The following HLTF variants were observed in gnomAD, a reference collection of about 807,000 sequenced individuals.
HLTF encodes the protein DNA-dependent ATPase/E3 ubiquitin-protein ligase HLTF.
In HLTF, 127 loss-of-function variants were observed where a neutral mutation model predicts 129.4. That is an observed-to-expected ratio of 0.98 (90% CI 0.85 to 1.14). The LOEUF (loss-of-function observed/expected upper bound fraction) is 1.14. Ranked by LOEUF, HLTF falls within the 50% of genes most tolerant of loss-of-function variation. The pLI is 0.00. For missense variants in HLTF, 1,139 were observed against 1,187.1 expected (o/e 0.96, Z 0.60); for synonymous variants, 332 against 388.8 (o/e 0.85, Z 1.72).
intron 14 of HLTF, among the ~76,000 whole-genome samples, chr3:149,053,119 G>A (rs992848685): frequency 2.0e-5 from 3 of 152,184 alleles, no homozygotes; most frequent in African/African-American, 4.8e-5. Context: ...AGCCTGCTCT[G>A]TAGAATGCTA....
At chr3:149,068,076 T>C (rs1718550960) in intron 8 of HLTF, among the ~76,000 whole-genome samples, 164 bp downstream of exon 8, 1 of 152,056 alleles carries the variant, frequency 6.6e-6, no homozygotes. Context: ...GTAAAAAGAA[T>C]GTGACACGAA....
intron 14 of HLTF, 40 bp downstream of exon 14, chr3:149,055,263 T>C (rs753051679): frequency 1.4e-6 from 2 of 1,384,572 alleles, no homozygotes; most frequent in Admixed American, 1.7e-5. Flanking sequence ...GTAGATAAAA[T>C]ATAAATTATG....
In HLTF at chr3:149,068,237, T is replaced by C. The variant is rs1193734080; in HGVS notation, c.990+3A>G. The stretch of plus-strand genomic sequence containing the variant: ...ACATAAAGCGCACTTACTACTACTT[T>C]ACCTTCTTCAGTAGATTCTTTTTAA... On this transcript the variant is annotated splice_donor_region_variant and intron_variant, in intron 8 of 24. Coordinates refer to ENST00000310053, the MANE Select transcript of HLTF (RefSeq NM_003071.4). The C allele has an allele frequency of 7.2e-7, 1 of 1,387,462 alleles. No homozygotes were observed. Among genetic ancestry groups the C allele is most frequent in the Non-Finnish European group, 1.0e-6 (1 of 992,332 alleles). The allele number at this position is 1,387,462 out of a possible 1,614,324, so 85.9% of individuals were successfully genotyped here.
chr3:149,042,025 CCTAG>C (rs1412186498), intron 19 of HLTF, 137 bp downstream of exon 19: 1 of 709,014 alleles, frequency 1.4e-6, no homozygotes, highest in African/African-American at 1.8e-5. Flanking sequence ...TGGATGTATT[CCTAG>C]CTGAGTCTCA....
chr3:149,074,467 G>C (rs1296806817), intron 3 of HLTF, 119 bp from the exon 4 acceptor site: 1 of 874,754 alleles, frequency 1.1e-6, no homozygotes, highest in Non-Finnish European at 1.6e-6. Context: ...AAAGTAATAA[G>C]GAACTAGTTG....
chr3:149,071,165 T>C, intron 7 of HLTF, 87 bp downstream of exon 7: 1 of 801,888 alleles, frequency 1.2e-6, no homozygotes, highest in Non-Finnish European at 1.9e-6. Context: ...TACCAACATA[T>C]TCCTATCTCT....
rs537261644 is a variant in HLTF, at chr3:149,075,961, T to G, written c.315A>C (p.Gly105=). ...CTTTCTTTAAATGGCCAACTTGATT[T>G]CCATTCACATTGTTTACTTTAATTG... ...KNAIKVNNVN[G]NQVGHLKKEL... is the part of the protein sequence containing the mutation. The change falls in exon 3 of 25, where the codon GGA becomes GGC. Residue 105 remains glycine, a synonymous_variant. Coordinates refer to ENST00000310053, the MANE Select transcript of HLTF (RefSeq NM_003071.4). The G allele has an allele frequency of 2.1e-5, 33 of 1,585,236 alleles. No homozygotes were observed. The highest frequency in any genetic ancestry group is 5.0e-5 in the Admixed American group (3 of 59,818).
At chr3:149,039,287 AAGTT>A in intron 22 of HLTF, 58 bp from the exon 23 acceptor site, 1 of 1,196,642 alleles carries the variant, frequency 8.4e-7, no homozygotes, top group Non-Finnish European at 1.1e-6. Flanking sequence ...AAATAAAACA[AAGTT>A]AAGTAACTAC....
intron 16 of HLTF, among the ~76,000 whole-genome samples, chr3:149,048,435 T>A (rs1416834429): frequency 6.6e-6 from 1 of 152,218 alleles, no homozygotes; most frequent in Non-Finnish European, 1.5e-5. Flanking sequence ...ATCAAGTACA[T>A]CTGCTTATTT....
chr3:149,082,720 C>A (rs184363565), intron 2 of HLTF, among the ~76,000 whole-genome samples: 16 of 151,932 alleles, frequency 1.1e-4, no homozygotes, highest in Middle Eastern at 3.4e-3. Flanking sequence ...AAGATAGTAT[C>A]TCAATTTTTA....
At chr3:149,075,525 CAG>C (rs1346749385) in intron 3 of HLTF, among the ~76,000 whole-genome samples, 8 of 152,272 alleles carry the variant, frequency 5.3e-5, no homozygotes, top group African/African-American at 1.9e-4. Flanking sequence ...GCCTGGGCAA[CAG>C]AGTGAGACTT....
chr3:149,055,265 TA>T, intron 14 of HLTF, 37 bp downstream of exon 14: 2 of 1,389,234 alleles, frequency 1.4e-6, no homozygotes, highest in Non-Finnish European at 2.0e-6. Context: ...AGATAAAATA[TA>T]AATTATGTTA....
intron 3 of HLTF, among the ~76,000 whole-genome samples, chr3:149,075,492 C>T (rs1360147158): frequency 2.0e-5 from 3 of 151,888 alleles, no homozygotes; most frequent in Admixed American, 2.0e-4. Context: ...TGCAGTCAGC[C>T]GAGATCACAC....
At chr3:149,053,674 CAG>C (rs1337124992) in intron 14 of HLTF, among the ~76,000 whole-genome samples, 34 of 152,304 alleles carry the variant, frequency 2.2e-4, no homozygotes, top group African/African-American at 8.2e-4. Context: ...TTTAAATTCA[CAG>C]AGTGTGCATG....
rs772649048 is a variant in HLTF at position 149,084,843 on chromosome 3, C to T, written c.67G>A (p.Gly23Arg). 3 of 1,613,924 alleles carry T rather than the reference C, an allele frequency of 1.9e-6. No homozygotes were observed. Among genetic ancestry groups the T allele is most frequent in the Non-Finnish European group, 1.7e-6 (2 of 1,179,988 alleles). The change falls in exon 2 of 25, where the codon GGA (glycine) becomes AGA (arginine). Residue 23 changes from glycine (G) to arginine (R), a missense_variant. By Grantham distance (125) the Gly-to-Arg change is moderately radical. Transcript: ENST00000310053. ...GGATATGAGAGGCGTGGAAAATTTC[C>T]ATGAACTCCATACTGGACAGTCTGC... The part of the protein sequence containing the change: ...YLQTVQYGVH[G>R]NFPRLSYPTF...
intron 23 of HLTF, among the ~76,000 whole-genome samples, chr3:149,037,738 A>C (rs2107955797): frequency 6.6e-6 from 1 of 152,316 alleles, no homozygotes; most frequent in East Asian, 1.9e-4. Context: ...TCAGGTAACA[A>C]GTTACAACCA....
chr3:149,033,341 ATAGT>A (rs1466677290), intron 24 of HLTF, among the ~76,000 whole-genome samples: 1 of 150,782 alleles, frequency 6.6e-6, no homozygotes, highest in Non-Finnish European at 1.5e-5. Context: ...ATAAAGAAAG[ATAGT>A]TCTCGAAAGT....
At position 149,042,226 on chromosome 3, in the gene HLTF, G is replaced by A. The variant is rs546076312; in HGVS notation, c.2137C>T (p.Arg713Trp). 1.9e-5 allele frequency: 31 copies of A among 1,612,640 alleles called. No homozygotes were observed. The highest frequency in any genetic ancestry group is 9.9e-5 in the South Asian group (9 of 91,030). Residue 713 changes from arginine (R) to tryptophan (W), a missense_variant, in exon 19 of 25, where the codon CGG becomes TGG. Coordinates refer to ENST00000310053, the MANE Select transcript of HLTF (RefSeq NM_003071.4). ...ADVLGLLLRL[R>W]QICCHTYLLT... ...AGGTAAGTATGGCAACAAATTTGCCGCAGTCTAAGCAAAAGACCCAGGACA... is the reference window on the plus strand; with the variant it reads ...AGGTAAGTATGGCAACAAATTTGCCACAGTCTAAGCAAAAGACCCAGGACA...
intron 2 of HLTF, among the ~76,000 whole-genome samples, chr3:149,078,653 C>G (rs1156381548): frequency 2.0e-5 from 3 of 151,998 alleles, no homozygotes; most frequent in African/African-American, 7.2e-5. Context: ...GTCAGGAGAT[C>G]GAGACCATCC....
Sources: gnomAD v4.1 joint callset for allele counts (sites outside exome capture counted in the v4.1 genomes callset) on GRCh38, gnomAD v4.1.1 for gene constraint, MANE v1.5 for transcripts, NCBI Gene and HGNC (gene_info 2026-07-23, HGNC 2026-07-21) for gene names.